The following ZNF804B variants were observed in gnomAD, a reference collection of about 807,000 sequenced individuals.
ZNF804B encodes zinc finger 804B.
ZNF804B carries 80 observed loss-of-function variants against 101.4 expected under a neutral mutation model. The ratio of observed to expected loss-of-function variants is 0.79; its 90% CI spans 0.66 to 0.95. ZNF804B has a LOEUF of 0.95. ZNF804B is among the 40% of genes least tolerant of loss of function. The pLI is 0.00. For synonymous variants in ZNF804B, 622 were observed against 558.8 expected (o/e 1.11, Z -1.59); for missense variants, 1,673 against 1,561.9 (o/e 1.07, Z -1.20).
rs1562828132 is a variant in ZNF804B at position 88,905,263 on chromosome 7, T to A, written c.108+145179T>A. 2.6e-5 allele frequency among the ~76,000 whole-genome samples: 4 copies of A among 152,238 alleles called. No individual in the cohort carries two copies. In the South Asian group the frequency reaches 8.3e-4, roughly 31 times the overall value. On this transcript the variant is annotated intron_variant, in intron 1 of 3. Transcript: ENST00000333190. ...GCTGAATCACAGTTATTTATTTGCA[T>A]ATGTAGAACCAACCTTGCATCCCAG...
chr7:89,188,203 A>G (rs1788403502), intron 1 of ZNF804B, among the ~76,000 whole-genome samples: 1 of 152,016 alleles, frequency 6.6e-6, no homozygotes, highest in South Asian at 2.1e-4. Context: ...CAATATTTCA[A>G]ACCCTTTCAT....
At chr7:89,010,838 A>G (rs1171724484) in intron 1 of ZNF804B, among the ~76,000 whole-genome samples, 1 of 152,158 alleles carries the variant, frequency 6.6e-6, no homozygotes, top group Non-Finnish European at 1.5e-5. Context: ...GTTATGTTGG[A>G]ACATGTTTCT....
Position 89,033,958 on chromosome 7 carries a change from T to C in ZNF804B, c.109-184197T>C, listed in dbSNP as rs183476277. 1.1e-4 allele frequency among the ~76,000 whole-genome samples: 16 copies of C among 152,208 alleles called. No homozygotes were observed. In the East Asian group the frequency reaches 2.7e-3, roughly 26 times the overall value. On this transcript the variant is annotated intron_variant, in intron 1 of 3. Transcript: ENST00000333190. ...TTTATTATTAGTGTAGCATCAACAT[T>C]TACAATACAAGTTTCATTGTTCCTT...
At chr7:88,859,367 T>C (rs1791616076) in intron 1 of ZNF804B, among the ~76,000 whole-genome samples, 1 of 152,108 alleles carries the variant, frequency 6.6e-6, no homozygotes, top group Non-Finnish European at 1.5e-5. Context: ...AAAACTGATA[T>C]AAGCCAGTTT....
intron 1 of ZNF804B, among the ~76,000 whole-genome samples, chr7:88,803,448 G>A (rs72615109): frequency 0.04 from 6,111 of 152,222 alleles, 317 homozygotes; most frequent in East Asian, 0.27. Flanking sequence ...TGAGTAAAAG[G>A]TGAGTCTTTA....
At chr7:89,138,975 T>G (rs1790677278) in intron 1 of ZNF804B, among the ~76,000 whole-genome samples, 1 of 152,054 alleles carries the variant, frequency 6.6e-6, no homozygotes, top group South Asian at 2.1e-4. Context: ...AGCGTGAAAG[T>G]GGACTAATAC....
intron 1 of ZNF804B, among the ~76,000 whole-genome samples, chr7:88,783,493 A>G (rs1341341792): frequency 6.6e-6 from 1 of 152,190 alleles, no homozygotes; most frequent in African/African-American, 2.4e-5. Context: ...GTCTTCATCC[A>G]TAATATCTTA....
intron 1 of ZNF804B, among the ~76,000 whole-genome samples, chr7:88,805,492 A>C (rs1042448890): frequency 6.6e-6 from 1 of 152,150 alleles, no homozygotes; most frequent in Non-Finnish European, 1.5e-5. Flanking sequence ...GTCCATTTTA[A>C]CTCAAGGTAC....
chr7:88,994,260 A>G (rs1793888454), intron 1 of ZNF804B, among the ~76,000 whole-genome samples: 1 of 152,030 alleles, frequency 6.6e-6, no homozygotes, highest in African/African-American at 2.4e-5. Context: ...GAGATATGCT[A>G]TGGCACAGGT....
intron 1 of ZNF804B, among the ~76,000 whole-genome samples, chr7:89,136,444 T>A (rs12533849): frequency 0.13 from 19,585 of 152,072 alleles, 1,399 homozygotes; most frequent in Non-Finnish European, 0.15. Context: ...TTTTGTGCAT[T>A]TATCACTACT....
chr7:89,335,378 G>C lies in ZNF804B; in HGVS notation c.2396G>C (p.Arg799Pro). 6.2e-7 allele frequency: 1 copy of C among 1,613,654 alleles called. No individual in the cohort carries two copies. Among genetic ancestry groups the C allele is most frequent in the Non-Finnish European group, 8.5e-7 (1 of 1,179,906 alleles). The change falls in exon 4 of 4, where the codon CGT (arginine) becomes CCT (proline). Residue 799 changes from arginine to proline, a missense_variant. Physicochemically the swap from Arg to Pro is moderately radical, Grantham distance 103. Coordinates refer to ENST00000333190, the MANE Select transcript of ZNF804B (RefSeq NM_181646.5). Reference protein sequence around the residue: ...ESFKNEKYSKRRYCHCRERQK... With the variant: ...ESFKNEKYSKPRYCHCRERQK... ...TTTAAAAATGAAAAATACTCAAAACGTAGATATTGTCACTGCAGAGAAAGA... is the reference window on the plus strand; with the variant it reads ...TTTAAAAATGAAAAATACTCAAAACCTAGATATTGTCACTGCAGAGAAAGA...
Position 89,332,151 on chromosome 7 carries a change from A to T in ZNF804B, c.381-1212A>T, listed in dbSNP as rs187925947. On this transcript the variant is annotated intron_variant, in intron 3 of 3. Coordinates refer to ENST00000333190, the MANE Select transcript of ZNF804B (RefSeq NM_181646.5). ...AGATAAATAAAGGGAAGCTAATTCAATATGTCTATAATATGATTCATCTAG... is the reference window on the plus strand; with the variant it reads ...AGATAAATAAAGGGAAGCTAATTCATTATGTCTATAATATGATTCATCTAG... Among the ~76,000 whole-genome samples the T allele has an allele frequency of 6.8e-4, 104 of 151,864 alleles. 1 individual carries two copies. Among genetic ancestry groups the T allele is most frequent in the African/African-American group, 2.5e-3 (103 of 41,546 alleles).
intron 2 of ZNF804B, among the ~76,000 whole-genome samples, chr7:89,274,397 G>A (rs1789946542): frequency 7.6e-6 from 1 of 132,042 alleles, no homozygotes; most frequent in African/African-American, 3.0e-5. Context: ...ACCTATGAGT[G>A]AGAATATGCG....
At chr7:88,831,730 A>G (rs1281664285) in intron 1 of ZNF804B, among the ~76,000 whole-genome samples, 1 of 151,866 alleles carries the variant, frequency 6.6e-6, no homozygotes, top group Admixed American at 6.6e-5. Flanking sequence ...ATTTTTTATA[A>G]TCACATTTAT....
intron 1 of ZNF804B, among the ~76,000 whole-genome samples, chr7:89,178,703 A>G (rs769047053): frequency 2.0e-5 from 3 of 152,136 alleles, no homozygotes; most frequent in African/African-American, 4.8e-5. Context: ...AAGTTTAGAT[A>G]CCACAATTAC....
chr7:89,153,434 TAATA>T (rs1790908482), intron 1 of ZNF804B, among the ~76,000 whole-genome samples: 1 of 103,062 alleles, frequency 9.7e-6, no homozygotes, highest in Admixed American at 9.2e-5. Context: ...ATGATGATAA[TAATA>T]ATAATAATAA....
At chr7:89,094,238 CA>C (rs746910768) in intron 1 of ZNF804B, among the ~76,000 whole-genome samples, 81 of 152,220 alleles carry the variant, frequency 5.3e-4, no homozygotes, top group Non-Finnish European at 1.0e-3. Flanking sequence ...TTTGTTGAAC[CA>C]ATGTCACGAT....
At chr7:89,147,842 C>T (rs568292725) in intron 1 of ZNF804B, among the ~76,000 whole-genome samples, 19 of 151,858 alleles carry the variant, frequency 1.3e-4, no homozygotes, top group African/African-American at 4.1e-4. Context: ...CCATCACCCC[C>T]AGATGGGACC....
chr7:89,160,931 C>T lies in ZNF804B; in HGVS notation c.109-57224C>T, dbSNP rs577219175. ...TAGCTGATAAGTAGCAGAATTAAAA[C>T]TAGAATTCAGATATTTTGTGCTGTG... On this transcript the variant is annotated intron_variant, in intron 1 of 3. Transcript: ENST00000333190. Among the ~76,000 whole-genome samples the T allele has an allele frequency of 2.6e-5, 4 of 152,238 alleles. No homozygotes were observed. The South Asian group carries it at 8.3e-4, about 32-fold the overall frequency.
Sources: gnomAD v4.1 joint callset for allele counts (sites outside exome capture counted in the v4.1 genomes callset) on GRCh38, gnomAD v4.1.1 for gene constraint, MANE v1.5 for transcripts, NCBI Gene and HGNC (gene_info 2026-07-23, HGNC 2026-07-21) for gene names.